The following SLC35A5 variants were observed in gnomAD, a reference collection of about 807,000 sequenced individuals.
SLC35A5 encodes the protein UDP-sugar transporter protein SLC35A5.
In SLC35A5, 28 loss-of-function variants were observed where a neutral mutation model predicts 36.3. That is an observed-to-expected ratio of 0.77 (90% CI 0.57 to 1.06). The LOEUF (loss-of-function observed/expected upper bound fraction) is 1.06, where lower values mean the gene tolerates loss of function less well. SLC35A5 is among the 50% of genes least tolerant of loss of function. The pLI is 0.00. For synonymous variants in SLC35A5, 180 were observed against 173.7 expected, an observed-to-expected ratio of 1.04 and a Z score of -0.29; for missense variants, 521 against 499.3, an observed-to-expected ratio of 1.04 and a Z score of -0.41.
upstream of SLC35A5, chr3:112,561,485 A>G (rs1387813070): frequency 6.2e-7 from 1 of 1,613,192 alleles, no homozygotes; most frequent in South Asian, 1.1e-5. Context: ...GTACTCAGCC[A>G]CTTCCAGTGC....
rs532601989 is a variant in SLC35A5, at chr3:112,576,876, T to A, written c.428+2920T>A. The stretch of plus-strand genomic sequence containing the variant: ...ATTTAATTTACTCTTTGTGAATCAT[T>A]TGATGGTCTTTTTGCCCTTTGTGAT... On this transcript the variant is annotated intron_variant, in intron 5 of 6. Transcript: ENST00000492406. 3.3e-5 allele frequency among the ~76,000 whole-genome samples: 5 copies of A among 152,310 alleles called. No homozygotes were observed. The South Asian group carries it at 8.3e-4, about 25-fold the overall frequency.
intron 2 of SLC35A5, 101 bp downstream of exon 2, chr3:112,563,634 T>G (rs190644344): frequency 1.6e-6 from 2 of 1,213,624 alleles, no homozygotes; most frequent in Admixed American, 5.7e-5. Flanking sequence ...TAATAATGCC[T>G]TTTGCTTCAT....
upstream of SLC35A5, chr3:112,561,389 TGCG>T: frequency 1.3e-6 from 2 of 1,531,482 alleles, no homozygotes; most frequent in Non-Finnish European, 1.8e-6. Context: ...CGGGGACTCC[TGCG>T]GCGCCTGGTC....
chr3:112,564,709 G>A (rs1934114719), intron 2 of SLC35A5, among the ~76,000 whole-genome samples: 1 of 152,198 alleles, frequency 6.6e-6, no homozygotes, highest in African/African-American at 2.4e-5. Flanking sequence ...GAGAAACCTT[G>A]GACAATACCT....
chr3:112,579,412 T>A (rs892758087), intron 5 of SLC35A5, among the ~76,000 whole-genome samples: 2 of 152,148 alleles, frequency 1.3e-5, no homozygotes, highest in Non-Finnish European at 1.5e-5. Context: ...TCTTTTTTTC[T>A]CGGTGTTCCC....
chr3:112,573,602 A>G (rs913980926), intron 4 of SLC35A5, among the ~76,000 whole-genome samples: 2 of 152,274 alleles, frequency 1.3e-5, no homozygotes, highest in African/African-American at 4.8e-5. Context: ...CTTCATAAGC[A>G]TAGCAACTGT....
At chr3:112,561,815 G>C (rs1017385830), upstream of SLC35A5, 9 of 426,796 alleles carry the variant, frequency 2.1e-5, no homozygotes, top group African/African-American at 1.5e-4. Context: ...GCCGAAGGGA[G>C]ACCTGAGGTG....
At chr3:112,582,207 C>G (rs1359214911) in intron 6 of SLC35A5, among the ~76,000 whole-genome samples, 1 of 152,070 alleles carries the variant, frequency 6.6e-6, no homozygotes, top group African/African-American at 2.4e-5. Context: ...GGGTGTAATG[C>G]CTCTGTCATG....
At position 112,577,212 on chromosome 3, in the gene SLC35A5, AT is replaced by A. The variant is rs538845698; in HGVS notation, c.428+3257del. On this transcript the variant is annotated intron_variant, in intron 5 of 6. Coordinates refer to ENST00000492406, the MANE Select transcript of SLC35A5 (RefSeq NM_017945.5). The stretch of plus-strand genomic sequence containing the variant: ...GAGGAATTTGAAAGTGGGAAAAAAA[AT>A]ATTATCATCTAAATGTCCTATTGTC... Among the ~76,000 whole-genome samples, 20 of 152,296 alleles carry A rather than the reference AT, an allele frequency of 1.3e-4. No individual in the cohort carries two copies. In the South Asian group the frequency reaches 2.1e-3, roughly 16 times the overall value.
chr3:112,571,275 C>T (rs761143657), intron 4 of SLC35A5, among the ~76,000 whole-genome samples: 8 of 152,234 alleles, frequency 5.3e-5, no homozygotes, highest in Admixed American at 2.6e-4. Flanking sequence ...ATTAGTAATC[C>T]GAGCTGGAGT....
intron 4 of SLC35A5, among the ~76,000 whole-genome samples, chr3:112,573,349 C>T (rs900008842): frequency 6.6e-6 from 1 of 152,156 alleles, no homozygotes; most frequent in Non-Finnish European, 1.5e-5. Context: ...CTGGCTGATA[C>T]ATTTCTAAGT....
chr3:112,568,220 G>A (rs1934285195), intron 2 of SLC35A5, among the ~76,000 whole-genome samples: 1 of 152,204 alleles, frequency 6.6e-6, no homozygotes, highest in Admixed American at 6.5e-5. Context: ...AGTTTGAGAA[G>A]GTCAAGGGAA....
chr3:112,573,628 A>G (rs1286984058), intron 4 of SLC35A5, among the ~76,000 whole-genome samples: 1 of 152,240 alleles, frequency 6.6e-6, no homozygotes. Context: ...CTAAACCTAA[A>G]CCTTTAGAAT....
chr3:112,571,500 A>G (rs1437388078), intron 4 of SLC35A5, among the ~76,000 whole-genome samples: 1 of 152,262 alleles, frequency 6.6e-6, no homozygotes. Context: ...TAAGCAAATC[A>G]GAGTGGGATG....
Position 112,583,410 on chromosome 3 carries a change from C to T in SLC35A5, c.*674C>T, listed in dbSNP as rs1412025017. On this transcript the variant is annotated 3_prime_UTR_variant, in exon 7 of 7. Transcript: ENST00000492406. ...TTTTGATGTTTTAAACATTGGTTCC[C>T]TAGTCACCATAGTTACCACTTGTAT... 3.2e-6 allele frequency: 1 copy of T among 316,264 alleles called. No individual in the cohort carries two copies. The highest frequency in any genetic ancestry group is 5.7e-6 in the Non-Finnish European group (1 of 174,418). 19.6% of individuals were successfully genotyped at this position (316,264 alleles called of 1,614,324 possible).
intron 3 of SLC35A5, among the ~76,000 whole-genome samples, chr3:112,570,178 C>T (rs73855812): frequency 0.016 from 2,446 of 150,010 alleles, 55 homozygotes; most frequent in African/African-American, 0.053. Flanking sequence ...CTGATTTGCC[C>T]TGGGGGGCAA....
At chr3:112,566,264 T>C (rs1480994693) in intron 2 of SLC35A5, among the ~76,000 whole-genome samples, 4 of 152,156 alleles carry the variant, frequency 2.6e-5, no homozygotes, top group African/African-American at 4.8e-5. Flanking sequence ...TTTGAAAAGA[T>C]TGTAGTTGAA....
At chr3:112,573,764 C>T (rs1934552616) in intron 4 of SLC35A5, 125 bp from the exon 5 acceptor site, 1 of 695,410 alleles carries the variant, frequency 1.4e-6, no homozygotes. Flanking sequence ...GTTGAAATTG[C>T]TACCTTAATA....
intron 5 of SLC35A5, among the ~76,000 whole-genome samples, chr3:112,577,624 T>TA (rs1179530348): frequency 2.0e-5 from 3 of 152,208 alleles, no homozygotes; most frequent in African/African-American, 4.8e-5. Flanking sequence ...TATTTTTACC[T>TA]AAAAAATGTA....
Sources: gnomAD v4.1 joint callset for allele counts (sites outside exome capture counted in the v4.1 genomes callset) on GRCh38, gnomAD v4.1.1 for gene constraint, MANE v1.5 for transcripts, NCBI Gene and HGNC (gene_info 2026-07-23, HGNC 2026-07-21) for gene names.